CNTN5: variants seen among roughly 807,000 people sequenced by gnomAD.
The protein encoded by CNTN5 is contactin-5.
Under a neutral mutation model 129.1 loss-of-function variants are expected in CNTN5, and 77 were observed. That is an observed-to-expected ratio of 0.60 (90% confidence interval 0.50 to 0.72). The LOEUF is 0.72. Among genes scored for constraint, CNTN5 ranks in the 30% least tolerant of loss-of-function variants. The pLI, the probability that CNTN5 is intolerant of heterozygous loss-of-function variation, is 0.00. For missense variants in CNTN5, 1,478 were observed against 1,328.8 expected, an observed-to-expected ratio of 1.11 and a Z score of -1.75; for synonymous variants, 509 against 465.6, an observed-to-expected ratio of 1.09 and a Z score of -1.20.
At chr11:99,355,495 G>A (rs1317857993) in intron 2 of CNTN5, among the ~76,000 whole-genome samples, 1 of 152,102 alleles carries the variant, frequency 6.6e-6, no homozygotes, top group African/African-American at 2.4e-5. Flanking sequence ...GAGCCATAGT[G>A]CCCTGAATTT....
chr11:100,340,984 T>G (rs1367124798), intron 22 of CNTN5, 109 bp from the exon 23 acceptor site: 23 of 810,728 alleles, frequency 2.8e-5, no homozygotes, highest in Non-Finnish European at 4.7e-5. Context: ...AAGCCTAGAT[T>G]GCCAGCCAAC....
chr11:99,860,364 T>G (rs940460849), intron 6 of CNTN5, among the ~76,000 whole-genome samples: 3 of 152,158 alleles, frequency 2.0e-5, no homozygotes, highest in Non-Finnish European at 4.4e-5. Flanking sequence ...GAGGACTTAA[T>G]CATAAATTCT....
intron 2 of CNTN5, among the ~76,000 whole-genome samples, chr11:99,342,815 T>TA (rs1866583859): frequency 6.6e-6 from 1 of 151,928 alleles, no homozygotes; most frequent in Non-Finnish European, 1.5e-5. Flanking sequence ...TTTAGGACTA[T>TA]AAAAAAATCT....
chr11:99,304,688 T>C (rs1450154574), intron 1 of CNTN5, among the ~76,000 whole-genome samples: 1 of 152,198 alleles, frequency 6.6e-6, no homozygotes. Flanking sequence ...TACGTTTCAG[T>C]GTTGTGCTTT....
At chr11:99,272,794 A>G (rs1243053259) in intron 1 of CNTN5, among the ~76,000 whole-genome samples, 1 of 151,866 alleles carries the variant, frequency 6.6e-6, no homozygotes, top group Non-Finnish European at 1.5e-5. Context: ...CCACATACAC[A>G]TTTAGTTTTC....
intron 2 of CNTN5, among the ~76,000 whole-genome samples, chr11:99,343,409 G>A (rs1356069055): frequency 6.6e-6 from 1 of 152,156 alleles, no homozygotes; most frequent in Non-Finnish European, 1.5e-5. Flanking sequence ...TAGTGTTAGT[G>A]AGTGCTTCAT....
At chr11:99,158,085 G>C (rs762383465) in intron 1 of CNTN5, among the ~76,000 whole-genome samples, 1 of 152,092 alleles carries the variant, frequency 6.6e-6, no homozygotes, top group Non-Finnish European at 1.5e-5. Flanking sequence ...GCACGGAATT[G>C]AACCAATATT....
intron 6 of CNTN5, among the ~76,000 whole-genome samples, chr11:99,907,264 T>C (rs1949533854): frequency 1.3e-5 from 2 of 152,112 alleles, no homozygotes; most frequent in South Asian, 2.1e-4. Context: ...CATTTAGTGA[T>C]ATTGATAGAA....
At chr11:99,642,908 T>C (rs2135848955) in intron 3 of CNTN5, among the ~76,000 whole-genome samples, 1 of 152,314 alleles carries the variant, frequency 6.6e-6, no homozygotes, top group African/African-American at 2.4e-5. Context: ...ATCCATGTTG[T>C]TGCAAATGAC....
chr11:99,372,129 G>T lies in CNTN5; in HGVS notation c.-71+46645G>T, dbSNP rs188553614. Among the ~76,000 whole-genome samples the T allele has an allele frequency of 2.6e-5, 4 of 152,314 alleles. No individual in the cohort carries two copies. The East Asian group carries it at 7.7e-4, about 29-fold the overall frequency. ...ATGCTTATGAAAAACTAATCTTACAGCATAGCAGTTCACATCACTGTTTCA... is the reference window on the plus strand; with the variant it reads ...ATGCTTATGAAAAACTAATCTTACATCATAGCAGTTCACATCACTGTTTCA... On this transcript the variant is annotated intron_variant, in intron 2 of 24. Coordinates refer to ENST00000524871, the MANE Select transcript of CNTN5 (RefSeq NM_014361.4).
intron 13 of CNTN5, among the ~76,000 whole-genome samples, chr11:100,108,396 G>A (rs745612188): frequency 1.8e-4 from 27 of 152,158 alleles, no homozygotes; most frequent in Admixed American, 6.6e-4. Flanking sequence ...TGTGTGAGAT[G>A]TATGGTAGGA....
chr11:99,615,291 T>A (rs1950724815), intron 3 of CNTN5, among the ~76,000 whole-genome samples: 1 of 152,006 alleles, frequency 6.6e-6, no homozygotes, highest in African/African-American at 2.4e-5. Context: ...CTTTTGGACT[T>A]CTCTAAACTG....
chr11:99,694,237 C>A (rs1954163688), intron 3 of CNTN5, among the ~76,000 whole-genome samples: 1 of 152,094 alleles, frequency 6.6e-6, no homozygotes, highest in East Asian at 1.9e-4. Context: ...GTGCAAACTT[C>A]AGACAGTGAG....
At chr11:99,669,783 T>G (rs1435221426) in intron 3 of CNTN5, among the ~76,000 whole-genome samples, 1 of 152,152 alleles carries the variant, frequency 6.6e-6, no homozygotes, top group Non-Finnish European at 1.5e-5. Context: ...GGTTTGTCCC[T>G]AAGCCAAGTA....
intron 2 of CNTN5, among the ~76,000 whole-genome samples, chr11:99,346,513 G>T (rs1937888104): frequency 6.6e-6 from 1 of 152,170 alleles, no homozygotes; most frequent in African/African-American, 2.4e-5. Flanking sequence ...CACTACTGTG[G>T]TGGAGGAGGT....
At chr11:100,096,264 T>C (rs1375472355) in intron 13 of CNTN5, among the ~76,000 whole-genome samples, 1 of 152,092 alleles carries the variant, frequency 6.6e-6, no homozygotes, top group Non-Finnish European at 1.5e-5. Context: ...CTTCCTAGGC[T>C]TCATTTTCCA....
rs187568863 is a variant in CNTN5 at position 99,360,601 on chromosome 11, G to A, written c.-71+35117G>A. On this transcript the variant is annotated intron_variant, in intron 2 of 24. Coordinates refer to ENST00000524871, the MANE Select transcript of CNTN5 (RefSeq NM_014361.4). ...CTTGGCCCAATGGAGTCATACTTGA[G>A]TTTTGCCTTTCGTCATAGTTTTGTT... is the stretch of plus-strand genomic sequence containing the variant. 3.9e-3 allele frequency among the ~76,000 whole-genome samples: 599 copies of A among 152,314 alleles called. 7 individuals are homozygous for A. The highest frequency in any genetic ancestry group is 0.013 in the African/African-American group (529 of 41,562).
chr11:99,900,346 T>C (rs1949322473), intron 6 of CNTN5, among the ~76,000 whole-genome samples: 1 of 152,048 alleles, frequency 6.6e-6, no homozygotes, highest in African/African-American at 2.4e-5. Context: ...TTTATGTATA[T>C]TGAGCCATCC....
chr11:99,849,054 T>C (rs1947790942), intron 6 of CNTN5, among the ~76,000 whole-genome samples: 2 of 152,094 alleles, frequency 1.3e-5, no homozygotes, highest in African/African-American at 4.8e-5. Context: ...TTAATAAACG[T>C]AGGATGGGGC....
Sources: gnomAD v4.1 joint callset for allele counts (sites outside exome capture counted in the v4.1 genomes callset) on GRCh38, gnomAD v4.1.1 for gene constraint, MANE v1.5 for transcripts, NCBI Gene and HGNC (gene_info 2026-07-23, HGNC 2026-07-21) for gene names.